Variants in KCNQ1 observed in about 807,000 individuals in gnomAD.
KCNQ1 encodes potassium voltage-gated channel subfamily KQT member 1.
A neutral mutation model predicts 72.4 loss-of-function variants in KCNQ1; 49 were observed. The ratio of observed to expected loss-of-function variants is 0.68; its 90% CI spans 0.54 to 0.86. The LOEUF (loss-of-function observed/expected upper bound fraction) is 0.86, where lower values mean the gene tolerates loss of function less well. Among genes scored for constraint, KCNQ1 ranks in the 40% least tolerant of loss-of-function variants. KCNQ1 has a pLI of 0.00. For synonymous variants in KCNQ1, 450 were observed against 412.6 expected, an observed-to-expected ratio of 1.09 and a Z score of -1.10; for missense variants, 790 against 945.1, an observed-to-expected ratio of 0.84 and a Z score of 2.15.
At chr11:2,716,657 C>T (rs1851097441) in intron 11 of KCNQ1, among the ~76,000 whole-genome samples, 1 of 152,224 alleles carries the variant, frequency 6.6e-6, no homozygotes, top group African/African-American at 2.4e-5. Flanking sequence ...CGCTCAGCTA[C>T]AGTAGGCCCC....
At position 2,563,457 on chromosome 11, in the gene KCNQ1, A is replaced by T. The variant is rs1032809733; in HGVS notation, c.478-7171A>T. 2.0e-5 allele frequency among the ~76,000 whole-genome samples: 3 copies of T among 152,226 alleles called. No homozygotes were observed. Among genetic ancestry groups the T allele is most frequent in the Admixed American group, 6.5e-5 (1 of 15,290 alleles). On this transcript the variant is annotated intron_variant, in intron 2 of 15. Transcript: ENST00000155840. The surrounding 1 kb of genome is among the most constrained non-coding windows in gnomAD (Gnocchi z 7.4). ...TAACCCCACAACACCGGATACCAGC[A>T]TGGGGTCGGCCTGCGGGGCCATGTG...
At chr11:2,546,380 C>A (rs568181192) in intron 2 of KCNQ1, among the ~76,000 whole-genome samples, 232 of 152,222 alleles carry the variant, frequency 1.5e-3, no homozygotes, top group African/African-American at 5.3e-3. Context: ...GTAAATACTC[C>A]ATTGTGTGCT....
At chr11:2,819,767 G>C (rs1389933895) in intron 15 of KCNQ1, among the ~76,000 whole-genome samples, 4 of 152,294 alleles carry the variant, frequency 2.6e-5, no homozygotes, top group African/African-American at 9.6e-5. Context: ...AAACCTTTTA[G>C]AGGAGGGTAG....
intron 10 of KCNQ1, chr11:2,656,000 T>C (rs2133848801): frequency 2.5e-6 from 1 of 398,634 alleles, no homozygotes; most frequent in South Asian, 1.3e-4. Flanking sequence ...CACATTTTAA[T>C]TTCCTAAAAC....
At position 2,544,394 on chromosome 11, in the gene KCNQ1, G is replaced by T. The variant is rs12799102; in HGVS notation, c.477+16376G>T. Among the ~76,000 whole-genome samples the T allele has an allele frequency of 6.8e-6, 1 of 147,504 alleles. No homozygotes were observed. Among genetic ancestry groups the T allele is most frequent in the African/African-American group, 2.6e-5 (1 of 39,208 alleles). On this transcript the variant is annotated intron_variant, in intron 2 of 15. Coordinates refer to ENST00000155840, the MANE Select transcript of KCNQ1 (RefSeq NM_000218.3). The surrounding 1 kb of genome is among the most constrained non-coding windows in gnomAD (Gnocchi z 4.4). ...TGTATATATATGTGTGCATATATGT[G>T]TATATATGTGTGTGTATATATATAT... is the stretch of plus-strand genomic sequence containing the variant.
rs1219858562 is a variant in KCNQ1 at position 2,746,819 on chromosome 11, G to A, written c.1515-22025G>A. Among the ~76,000 whole-genome samples, 2 of 152,222 alleles carry A rather than the reference G, an allele frequency of 1.3e-5. No homozygotes were observed. Among genetic ancestry groups the A allele is most frequent in the South Asian group, 2.1e-4 (1 of 4,832 alleles). ...TGGACCCGCCAGCATTTGGCTCTGG[G>A]GCCCTAGAGAGACCCTGGGATGTGG... On this transcript the variant is annotated intron_variant, in intron 11 of 15. Transcript: ENST00000155840. The surrounding 1 kb of genome is among the most constrained non-coding windows in gnomAD (Gnocchi z 5.9).
Position 2,847,921 on chromosome 11 carries a change from C to A in KCNQ1, c.1949C>A (p.Pro650His), listed in dbSNP as rs1397994379. ...QPCGSGGSVD[P>H]ELFLPSNTLP... ...TGCGGCAGTGGCGGCTCCGTCGACC[C>A]TGAGCTCTTCCTGCCCAGCAACACC... The change falls in exon 16 of 16, where the codon CCT (proline) becomes CAT (histidine). Residue 650 changes from proline to histidine, a missense_variant. By Grantham distance (77) the Pro-to-His change is moderately conservative. This residue lies in a region of KCNQ1 where 94 missense variants were observed against 85.2 expected (regional missense o/e 1.10). Coordinates refer to ENST00000155840, the MANE Select transcript of KCNQ1 (RefSeq NM_000218.3). 3 of 1,576,374 alleles carry A rather than the reference C, an allele frequency of 1.9e-6. No homozygotes were observed. Among genetic ancestry groups the A allele is most frequent in the Non-Finnish European group, 2.6e-6 (3 of 1,160,780 alleles).
Position 2,682,305 on chromosome 11 carries a change from C to G in KCNQ1, c.1514+20224C>G. The G allele has an allele frequency of 2.5e-6, 1 of 398,610 alleles. No individual in the cohort carries two copies. The highest frequency in any genetic ancestry group is 4.4e-5 in the Admixed American group (1 of 22,730). The allele number at this position is 398,610 out of a possible 1,614,324, so 24.7% of individuals were successfully genotyped here. A position where few individuals can be genotyped will look rare whatever the true frequency, so the allele number is the denominator to read the frequency against. On this transcript the variant is annotated intron_variant, in intron 11 of 15. Coordinates refer to ENST00000155840, the MANE Select transcript of KCNQ1 (RefSeq NM_000218.3). The surrounding 1 kb of genome is among the most constrained non-coding windows in gnomAD (Gnocchi z 5.8). ...TGTAAAAAATCACATACCTCCCCTCCCATTCTTAATGTGTAACTGTGTGTT... is the reference window on the plus strand; with the variant it reads ...TGTAAAAAATCACATACCTCCCCTCGCATTCTTAATGTGTAACTGTGTGTT...
chr11:2,561,516 TC>T (rs1436410418), intron 2 of KCNQ1, among the ~76,000 whole-genome samples: 1 of 152,182 alleles, frequency 6.6e-6, no homozygotes, highest in Non-Finnish European at 1.5e-5. Flanking sequence ...CATTTCGCCC[TC>T]CCCACAGTCC....
At chr11:2,660,516 T>C (rs1849932870) in intron 10 of KCNQ1, 1 of 398,472 alleles carries the variant, frequency 2.5e-6, no homozygotes, top group South Asian at 1.3e-4. Flanking sequence ...GGAGTTAATG[T>C]CTGTAATGTA....
rs139000556 is a variant in KCNQ1 at position 2,653,033 on chromosome 11, A to T, written c.1394-8928A>T. On this transcript the variant is annotated intron_variant, in intron 10 of 15. Coordinates refer to ENST00000155840, the MANE Select transcript of KCNQ1 (RefSeq NM_000218.3). The surrounding 1 kb of genome is among the most constrained non-coding windows in gnomAD (Gnocchi z 5.3). ...ATCTATTCTGCACACCTTTGATCCA[A>T]TGTGAGATCCAACATGTTCCATAAT... 2.8e-3 allele frequency: 1,098 copies of T among 398,650 alleles called. 9 individuals carry two copies. The highest frequency in any genetic ancestry group is 0.02 in the African/African-American group (986 of 48,746). 24.7% of individuals were successfully genotyped at this position (398,650 alleles called of 1,614,324 possible). A position where few individuals can be genotyped will look rare whatever the true frequency, so the allele number is the denominator to read the frequency against.
chr11:2,715,310 C>T lies in KCNQ1; in HGVS notation c.1514+53229C>T, dbSNP rs1160792485. Among the ~76,000 whole-genome samples, 2 of 152,122 alleles carry T rather than the reference C, an allele frequency of 1.3e-5. No individual in the cohort carries two copies. Among genetic ancestry groups the T allele is most frequent in the Non-Finnish European group, 2.9e-5 (2 of 68,016 alleles). ...AGAGCTCAAGGGAACCTGTAAAGAC[C>T]TGCGGGCTGTGTCATGGAGGGCCCT... is the stretch of plus-strand genomic sequence containing the variant. On this transcript the variant is annotated intron_variant, in intron 11 of 15. Coordinates refer to ENST00000155840, the MANE Select transcript of KCNQ1 (RefSeq NM_000218.3). This position sits in a 1 kb window ranked among gnomAD's most constrained non-coding sequence, Gnocchi z 4.9.
chr11:2,644,314 CTT>C, intron 10 of KCNQ1: 1 of 398,302 alleles, frequency 2.5e-6, no homozygotes, highest in Non-Finnish European at 4.4e-6. Flanking sequence ...TTTCAAAAGA[CTT>C]ATCTTCAAGG....
chr11:2,646,606 A>G (rs1849669796), intron 10 of KCNQ1: 2 of 398,484 alleles, frequency 5.0e-6, no homozygotes, highest in East Asian at 3.6e-5. Flanking sequence ...GCTCACTGCA[A>G]CCTTCACCTC....
intron 12 of KCNQ1, among the ~76,000 whole-genome samples, chr11:2,770,274 C>G (rs1165450614): frequency 1.3e-5 from 2 of 152,196 alleles, no homozygotes; most frequent in African/African-American, 4.8e-5. Context: ...GGTGCAGACC[C>G]TGGCACAGGC....
chr11:2,543,268 TTAG>T lies in KCNQ1; in HGVS notation c.477+15256_477+15258del, dbSNP rs1470338595. ...GTCGGTGGCTTTCCTTTTCATTTAT[TTAG>T]TAGTATCTTTTTTTTTTGTTTGAGA... On this transcript the variant is annotated intron_variant, in intron 2 of 15. Coordinates refer to ENST00000155840, the MANE Select transcript of KCNQ1 (RefSeq NM_000218.3). This position sits in a 1 kb window ranked among gnomAD's most constrained non-coding sequence, Gnocchi z 5.6. Among the ~76,000 whole-genome samples, 1 of 152,158 alleles carries T rather than the reference TTAG, an allele frequency of 6.6e-6. No individual in the cohort carries two copies. Among genetic ancestry groups the T allele is most frequent in the African/African-American group, 2.4e-5 (1 of 41,390 alleles).
At chr11:2,557,540 C>T (rs554290668) in intron 2 of KCNQ1, among the ~76,000 whole-genome samples, 23 of 152,342 alleles carry the variant, frequency 1.5e-4, no homozygotes, top group African/African-American at 3.4e-4. Context: ...ATACGCATCA[C>T]GCCTGAGCTC....
At chr11:2,461,690 G>C (rs775661856) in intron 1 of KCNQ1, 5 of 1,367,198 alleles carry the variant, frequency 3.7e-6, no homozygotes, top group Non-Finnish European at 4.9e-6. Context: ...TGTGCTTCCT[G>C]AGCCAGTGCG....
Position 2,690,453 on chromosome 11 carries a change from G to A in KCNQ1, c.1514+28372G>A. 1 of 398,636 alleles carries A rather than the reference G, an allele frequency of 2.5e-6. No individual in the cohort carries two copies. The highest frequency in any genetic ancestry group is 1.3e-4 in the South Asian group (1 of 7,850). 24.7% of individuals were successfully genotyped at this position (398,636 alleles called of 1,614,324 possible). On this transcript the variant is annotated intron_variant, in intron 11 of 15. Transcript: ENST00000155840. This position sits in a 1 kb window ranked among gnomAD's most constrained non-coding sequence, Gnocchi z 5.1. ...GGGAGCTAGAGCTGGGTTAAGATAA[G>A]AGCAGAGACTGGGTCCTGGGAACAG...
Sources: gnomAD v4.1 joint callset for allele counts (sites outside exome capture counted in the v4.1 genomes callset) on GRCh38, gnomAD v4.1.1 for gene constraint, gnomAD v4.1.1 regional missense constraint, Gnocchi (gnomAD v3.1) non-coding constraint, MANE v1.5 for transcripts, NCBI Gene and HGNC (gene_info 2026-07-23, HGNC 2026-07-21) for gene names.